ENPP1: variants seen among roughly 807,000 people sequenced by gnomAD.
ENPP1 encodes ectonucleotide pyrophosphatase/phosphodiesterase family member 1.
Under a neutral mutation model 122.8 loss-of-function variants are expected in ENPP1, and 73 were observed. The observed-to-expected ratio is 0.59, with a 90% CI of 0.49 to 0.72. The LOEUF is 0.72. Among genes scored for constraint, ENPP1 ranks in the 30% least tolerant of loss-of-function variants. ENPP1 has a pLI of 0.00. For missense variants in ENPP1, 978 were observed against 1,128.1 expected (o/e 0.87, Z 1.91); for synonymous variants, 367 against 391.6 (o/e 0.94, Z 0.74).
At chr6:131,867,356 A>C (rs1275637861) in intron 11 of ENPP1, among the ~76,000 whole-genome samples, 1 of 152,232 alleles carries the variant, frequency 6.6e-6, no homozygotes, top group African/African-American at 2.4e-5. Flanking sequence ...AGGATAAAAT[A>C]AGTGCCAGAA....
chr6:131,888,129 G>A (rs1021099806), intron 24 of ENPP1, among the ~76,000 whole-genome samples: 42 of 151,960 alleles, frequency 2.8e-4, no homozygotes, highest in Non-Finnish European at 5.0e-4. Context: ...CCCAAAGTGC[G>A]GGGGTTACAG....
chr6:131,813,875 A>G (rs996063242), intron 1 of ENPP1, among the ~76,000 whole-genome samples: 50 of 152,060 alleles, frequency 3.3e-4, no homozygotes, highest in African/African-American at 1.2e-3. Flanking sequence ...TTAGTTTACA[A>G]CTTTTCAGGA....
chr6:131,873,392 G>C (rs999681897), intron 15 of ENPP1, among the ~76,000 whole-genome samples: 1 of 152,140 alleles, frequency 6.6e-6, no homozygotes, highest in African/African-American at 2.4e-5. Context: ...CCTTGGCTAA[G>C]AACCATTGTT....
rs1171864713 is a variant in ENPP1, at chr6:131,828,310, AT to A, written c.241-19465del. ...GAGCTCCAGCCAGCATGTCCACATG[AT>A]CAGCATGATGTAATACCAGAAGACA... On this transcript the variant is annotated intron_variant, in intron 1 of 24. Coordinates refer to ENST00000647893, the MANE Select transcript of ENPP1 (RefSeq NM_006208.3). 1.4e-5 allele frequency: 7 copies of A among 514,182 alleles called. No homozygotes were observed. In the Admixed American group the frequency reaches 1.5e-4, roughly 11 times the overall value. The allele number at this position is 514,182 out of a possible 1,614,324, so 31.9% of individuals were successfully genotyped here. A position where few individuals can be genotyped will look rare whatever the true frequency, so the allele number is the denominator to read the frequency against.
chr6:131,821,780 A>G (rs1781487717), intron 1 of ENPP1, among the ~76,000 whole-genome samples: 1 of 152,198 alleles, frequency 6.6e-6, no homozygotes, highest in African/African-American at 2.4e-5. Flanking sequence ...GAACTATCCA[A>G]TTCCAAGTTT....
rs1782381914 is a variant in ENPP1, at chr6:131,886,657, A to C, written c.2540A>C (p.His847Pro). The change falls in exon 24 of 25, where the codon CAC (histidine) becomes CCC (proline). Residue 847 changes from histidine to proline, a missense_variant. His to Pro is a moderately conservative substitution (Grantham distance 77, BLOSUM62 -2). Transcript: ENST00000647893. ...SCKDTSQTPL[H>P]CENLDTLAFI... ...AAAGATACATCTCAGACGCCTTTGC[A>C]CTGTGAAAACCTAGACACCTTAGCT... The C allele has an allele frequency of 1.2e-6, 2 of 1,614,072 alleles. No homozygotes were observed. Among genetic ancestry groups the C allele is most frequent in the East Asian group, 4.5e-5 (2 of 44,868 alleles).
chr6:131,842,508 A>G (rs754639642), intron 1 of ENPP1, among the ~76,000 whole-genome samples: 5 of 151,414 alleles, frequency 3.3e-5, no homozygotes, highest in South Asian at 2.1e-4. Context: ...GTATTTCCCC[A>G]CAGAATCTAA....
intron 8 of ENPP1, among the ~76,000 whole-genome samples, chr6:131,860,931 T>C (rs1054371345): frequency 1.3e-5 from 2 of 152,190 alleles, no homozygotes; most frequent in African/African-American, 4.8e-5. Flanking sequence ...TTTAAAATTC[T>C]CCAATTCTCC....
chr6:131,880,566 CAA>C (rs373514648), intron 20 of ENPP1, among the ~76,000 whole-genome samples: 2 of 130,926 alleles, frequency 1.5e-5, no homozygotes, highest in Non-Finnish European at 1.6e-5. Flanking sequence ...GACTCCATCT[CAA>C]AAAAAAAAAA....
At chr6:131,862,790 A>G (rs993889234) in intron 9 of ENPP1, among the ~76,000 whole-genome samples, 7 of 152,210 alleles carry the variant, frequency 4.6e-5, no homozygotes, top group African/African-American at 1.7e-4. Flanking sequence ...GGGGAGGTTC[A>G]GACTCTTACA....
In ENPP1 at chr6:131,891,534, T is replaced by C. The variant is rs1434624690; in HGVS notation, c.*1023T>C. On this transcript the variant is annotated 3_prime_UTR_variant, in exon 25 of 25. Coordinates refer to ENST00000647893, the MANE Select transcript of ENPP1 (RefSeq NM_006208.3). ...GACACAATGAACTTGATTTCTTTACTACCTTGACTGTAGCTTTTTATCCCT... is the reference window on the plus strand; with the variant it reads ...GACACAATGAACTTGATTTCTTTACCACCTTGACTGTAGCTTTTTATCCCT... 2 of 152,220 alleles carry C rather than the reference T, an allele frequency of 1.3e-5. No individual in the cohort carries two copies. The highest frequency in any genetic ancestry group is 4.8e-5 in the African/African-American group (2 of 41,446). The allele number at this position is 152,220 out of a possible 1,614,324, so 9.4% of individuals were successfully genotyped here.
At position 131,885,035 on chromosome 6, in the gene ENPP1, C is replaced by A; in HGVS notation, c.2416C>A (p.Arg806Ser). The change falls in exon 23 of 25, where the codon CGT becomes AGT. Residue 806 changes from arginine to serine, a missense_variant. Transcript: ENST00000647893. Reference protein sequence around the residue: ...GPVFDFDYDGRCDSLENLRQK... With the variant: ...GPVFDFDYDGSCDSLENLRQK... Reference sequence around the variant, plus strand: ...TGTGTTTGACTTTGATTATGATGGACGTTGTGATTCCTTAGAGAATCTGAG... The same window carrying A: ...TGTGTTTGACTTTGATTATGATGGAAGTTGTGATTCCTTAGAGAATCTGAG... 1 of 1,613,860 alleles carries A rather than the reference C, an allele frequency of 6.2e-7. No homozygotes were observed. The highest frequency in any genetic ancestry group is 8.5e-7 in the Non-Finnish European group (1 of 1,179,882).
chr6:131,826,246 A>G (rs1781544649), intron 1 of ENPP1: 1 of 989,158 alleles, frequency 1.0e-6, no homozygotes, highest in African/African-American at 1.6e-5. Flanking sequence ...ATCTGGTAGC[A>G]TCTCACTGTT....
intron 6 of ENPP1, among the ~76,000 whole-genome samples, chr6:131,857,616 C>T (rs1781964831): frequency 6.6e-6 from 1 of 150,454 alleles, no homozygotes; most frequent in South Asian, 2.1e-4. Flanking sequence ...CACATGGACA[C>T]AGGAAGGGGA....
At chr6:131,822,730 T>C (rs1585794067) in intron 1 of ENPP1, among the ~76,000 whole-genome samples, 1 of 152,278 alleles carries the variant, frequency 6.6e-6, no homozygotes, top group South Asian at 2.1e-4. Context: ...TATTTTAGTA[T>C]CCTCAATTCA....
chr6:131,875,417 A>C (rs192661294), intron 16 of ENPP1, among the ~76,000 whole-genome samples: 71 of 152,172 alleles, frequency 4.7e-4, no homozygotes, highest in Non-Finnish European at 9.1e-4. Context: ...CCAGCACTTT[A>C]ACATTTTCAA....
chr6:131,865,002 AAGG>A, intron 11 of ENPP1, 64 bp downstream of exon 11: 1 of 1,008,580 alleles, frequency 9.9e-7, no homozygotes, highest in South Asian at 1.3e-5. Context: ...CCTCGCTTTG[AAGG>A]AGGCTGCTAG....
At chr6:131,877,866 A>AAAAAAAT (rs1562183349) in intron 18 of ENPP1, 17 of 53,028 alleles carry the variant, frequency 3.2e-4, no homozygotes, top group African/African-American at 1.3e-3. Flanking sequence ...AAAAAAAAAA[A>AAAAAAAT]ATATATATAT....
intron 1 of ENPP1, 143 bp downstream of exon 1, chr6:131,808,418 C>T (rs1478210633): frequency 2.0e-5 from 22 of 1,124,876 alleles, no homozygotes; most frequent in African/African-American, 3.3e-5. Context: ...CGCGCGCTCT[C>T]CTCCGCAGCC....
Sources: gnomAD v4.1 joint callset for allele counts (sites outside exome capture counted in the v4.1 genomes callset) on GRCh38, gnomAD v4.1.1 for gene constraint, MANE v1.5 for transcripts, NCBI Gene and HGNC (gene_info 2026-07-23, HGNC 2026-07-21) for gene names.